Variants in RUVBL1 observed in about 807,000 individuals in gnomAD.
RUVBL1 encodes RuvB like AAA ATPase 1.
Under a neutral mutation model 52.4 loss-of-function variants are expected in RUVBL1, and 4 were observed. The ratio of observed to expected loss-of-function variants is 0.08; its 90% CI spans 0.04 to 0.17. The LOEUF is 0.17. Among genes scored for constraint, RUVBL1 ranks in the 10% least tolerant of loss-of-function variants. RUVBL1 has a pLI of 1.00. For missense variants in RUVBL1, 298 were observed against 572.8 expected (o/e 0.52, Z 4.90); for synonymous variants, 217 against 214.4 (o/e 1.01, Z -0.10).
intron 3 of RUVBL1, among the ~76,000 whole-genome samples, chr3:128,111,833 C>A (rs992274838): frequency 6.6e-5 from 10 of 152,144 alleles, no homozygotes; most frequent in African/African-American, 1.7e-4. Flanking sequence ...AGAATACTTA[C>A]TTTGGTTTGA....
Position 128,067,797 on chromosome 3 carries a change from T to A in RUVBL1, c.940-2577A>T. ...TCCAGCAGTAGATCAGCTGTGGGTA[T>A]GAGAATCTGAATCCACACTGTAAAG... On this transcript the variant is annotated intron_variant, in intron 9 of 9. Coordinates refer to the RUVBL1 transcript ENST00000464873. The surrounding 1 kb of genome is among the most constrained non-coding windows in gnomAD (Gnocchi z 4.1). The A allele has an allele frequency of 1.5e-6, 1 of 674,774 alleles. No homozygotes were observed. The allele number at this position is 674,774 out of a possible 1,614,324, so 41.8% of individuals were successfully genotyped here.
At chr3:128,148,337 T>C (rs1226750016) in intron 1 of RUVBL1, among the ~76,000 whole-genome samples, 2 of 152,152 alleles carry the variant, frequency 1.3e-5, no homozygotes, top group African/African-American at 2.4e-5. Flanking sequence ...AACAGAATTT[T>C]TTAATGAATT....
intron 8 of RUVBL1, among the ~76,000 whole-genome samples, chr3:128,091,446 C>T (rs1942837220): frequency 6.6e-6 from 1 of 152,186 alleles, no homozygotes; most frequent in South Asian, 2.1e-4. Flanking sequence ...TGGCTTTGGC[C>T]TCAGTCTACT....
intron 1 of RUVBL1, among the ~76,000 whole-genome samples, chr3:128,145,953 G>A (rs1260514285): frequency 6.6e-6 from 1 of 152,152 alleles, no homozygotes; most frequent in African/African-American, 2.4e-5. Context: ...AACCCAGGGG[G>A]AAGCAGATAA....
At chr3:128,104,605 A>G (rs1445177184) in intron 4 of RUVBL1, among the ~76,000 whole-genome samples, 168 bp downstream of exon 4, 2 of 152,202 alleles carry the variant, frequency 1.3e-5, no homozygotes, top group Non-Finnish European at 2.9e-5. Context: ...TGCAAGCCCT[A>G]TGCTAGGTAC....
intron 5 of RUVBL1, among the ~76,000 whole-genome samples, chr3:128,101,339 T>C (rs1178518686): frequency 6.6e-6 from 1 of 152,220 alleles, no homozygotes; most frequent in Non-Finnish European, 1.5e-5. Flanking sequence ...TCTAACAGAC[T>C]ATCTGTTTTA....
At chr3:128,144,017 C>T (rs994508906) in intron 1 of RUVBL1, among the ~76,000 whole-genome samples, 22 of 152,106 alleles carry the variant, frequency 1.4e-4, no homozygotes, top group African/African-American at 3.1e-4. Flanking sequence ...TTTGAACCCG[C>T]GTGGAGGAGT....
intron 9 of RUVBL1, among the ~76,000 whole-genome samples, chr3:128,073,514 T>G (rs1942229388): frequency 6.6e-6 from 1 of 151,700 alleles, no homozygotes; most frequent in African/African-American, 2.4e-5. Flanking sequence ...TGTCCGAGAG[T>G]CAGCAAAAGC....
At chr3:128,077,912 A>C (rs1411954274), downstream of RUVBL1, among the ~76,000 whole-genome samples, 1 of 152,238 alleles carries the variant, frequency 6.6e-6, no homozygotes, top group Non-Finnish European at 1.5e-5. Context: ...ATACAGCTAC[A>C]TGTGGGTCAC....
chr3:128,097,292 C>T lies in RUVBL1; in HGVS notation c.1016+8G>A. ...AAAAGCCTTGTGGCTGGCAGGCAGC[C>T]ATCCTACCTGATGACACAGTTGCCT... is the stretch of plus-strand genomic sequence containing the variant. On this transcript the variant is annotated splice_region_variant and intron_variant, in intron 8 of 10. Transcript: ENST00000322623. 6.2e-7 allele frequency: 1 copy of T among 1,613,010 alleles called. No homozygotes were observed. The highest frequency in any genetic ancestry group is 1.3e-5 in the African/African-American group (1 of 75,016).
intron 1 of RUVBL1, among the ~76,000 whole-genome samples, 185 bp downstream of exon 1, chr3:128,123,399 C>T (rs1029446537): frequency 6.6e-6 from 1 of 152,272 alleles, no homozygotes; most frequent in East Asian, 1.9e-4. Context: ...TATCCTGGGG[C>T]GGCCCCTCAC....
At chr3:128,120,397 T>C (rs892181228) in intron 1 of RUVBL1, among the ~76,000 whole-genome samples, 1 of 152,206 alleles carries the variant, frequency 6.6e-6, no homozygotes, top group Non-Finnish European at 1.5e-5. Context: ...TTTAAATACA[T>C]TATAAATCTC....
At chr3:128,153,684 G>A in exon 1 of RUVBL1, 2 of 1,592,104 alleles carry the variant, frequency 1.3e-6, no homozygotes, top group Non-Finnish European at 8.5e-7. Flanking sequence ...TCTCGGTGCC[G>A]CTGCCCGCGC....
intron 1 of RUVBL1, among the ~76,000 whole-genome samples, chr3:128,140,366 A>C (rs983746949): frequency 6.8e-6 from 1 of 146,748 alleles, no homozygotes; most frequent in Non-Finnish European, 1.5e-5. Flanking sequence ...TGGCTTTTAG[A>C]TTATAGGCAC....
chr3:128,120,987 A>C (rs545386469), intron 1 of RUVBL1, among the ~76,000 whole-genome samples: 319 of 152,152 alleles, frequency 2.1e-3, no homozygotes, highest in African/African-American at 7.3e-3. Flanking sequence ...TCTCAAAAAA[A>C]AAAAAAATGA....
chr3:128,124,098 A>G (rs186285900), upstream of RUVBL1, among the ~76,000 whole-genome samples: 10 of 152,352 alleles, frequency 6.6e-5, no homozygotes, highest in African/African-American at 2.2e-4. Context: ...CCTATCCATT[A>G]GCACATTTGA....
intron 3 of RUVBL1, among the ~76,000 whole-genome samples, chr3:128,108,354 G>C (rs1222667649): frequency 6.6e-6 from 1 of 151,998 alleles, no homozygotes; most frequent in Non-Finnish European, 1.5e-5. Flanking sequence ...TGGTACTACT[G>C]TCCCCTCCCC....
chr3:128,091,192 T>C (rs1337655618), intron 8 of RUVBL1, among the ~76,000 whole-genome samples: 1 of 149,548 alleles, frequency 6.7e-6, no homozygotes, highest in Admixed American at 6.8e-5. Flanking sequence ...ACCATATTAG[T>C]GGGAGACGGT....
chr3:128,099,857 G>A (rs950533307), intron 6 of RUVBL1, among the ~76,000 whole-genome samples: 3 of 152,130 alleles, frequency 2.0e-5, no homozygotes, highest in Admixed American at 6.5e-5. Context: ...GTCAGTGATG[G>A]AGCAACACAG....
Sources: gnomAD v4.1 joint callset for allele counts (sites outside exome capture counted in the v4.1 genomes callset) on GRCh38, gnomAD v4.1.1 for gene constraint, Gnocchi (gnomAD v3.1) non-coding constraint, MANE v1.5 for transcripts, NCBI Gene and HGNC (gene_info 2026-07-23, HGNC 2026-07-21) for gene names.